The following BCL6 variants were observed in gnomAD, a reference collection of about 807,000 sequenced individuals.
BCL6 encodes BCL6 transcription repressor.
A neutral mutation model predicts 59.5 loss-of-function variants in BCL6; 7 were observed. That is an observed-to-expected ratio of 0.12 (90% confidence interval 0.07 to 0.22). The LOEUF (loss-of-function observed/expected upper bound fraction) is 0.22, where lower values mean the gene tolerates loss of function less well. Ranked by LOEUF, BCL6 falls within the 10% of genes least tolerant of loss-of-function variation. BCL6 has a pLI of 1.00. For missense variants in BCL6, 685 were observed against 939.4 expected (o/e 0.73, Z 3.54); for synonymous variants, 339 against 349.7 (o/e 0.97, Z 0.34).
Position 187,729,778 on chromosome 3 carries a change from G to A in BCL6, c.627C>T (p.Ser209=), listed in dbSNP as rs33922911. ...TCCGGACATCCCGAAACTCCTCATC[G>A]GAGAAGAGGAGGCTGCTGACAGGGA... ...SHLPVSSLLF[S]DEEFRDVRMP... Residue 209 remains serine, a synonymous_variant, in exon 5 of 10, where the codon TCC becomes TCT. Coordinates refer to ENST00000406870, the MANE Select transcript of BCL6 (RefSeq NM_001706.5). This position sits in a 1 kb window ranked among gnomAD's most constrained non-coding sequence, Gnocchi z 5.6. 7.1e-4 allele frequency: 1,141 copies of A among 1,614,166 alleles called. 11 individuals are homozygous for A. In the African/African-American group the frequency reaches 0.012, roughly 17 times the overall value.
chr3:187,726,026 T>C (rs1416417951), intron 7 of BCL6, among the ~76,000 whole-genome samples: 2 of 152,238 alleles, frequency 1.3e-5, no homozygotes, highest in Non-Finnish European at 2.9e-5. Context: ...CCTGAGGGGC[T>C]ACTTCAGATT....
chr3:187,744,731 T>C (rs77764326), intron 1 of BCL6, among the ~76,000 whole-genome samples: 5 of 151,844 alleles, frequency 3.3e-5, no homozygotes, highest in East Asian at 3.9e-4. Flanking sequence ...CTCCCGGAGT[T>C]ACCCAGAAGG....
chr3:187,743,376 T>A (rs1711688880), intron 1 of BCL6, among the ~76,000 whole-genome samples: 1 of 152,020 alleles, frequency 6.6e-6, no homozygotes, highest in African/African-American at 2.4e-5. Flanking sequence ...AGATTGGCTC[T>A]CTGAGGTGGT....
chr3:187,734,559 T>C (rs928572127), intron 2 of BCL6: 4 of 152,254 alleles, frequency 2.6e-5, no homozygotes, highest in African/African-American at 9.6e-5. Flanking sequence ...TCAGTCACCA[T>C]TGGTCTCTCT....
intron 6 of BCL6, among the ~76,000 whole-genome samples, chr3:187,727,302 A>T (rs1287786269): frequency 2.0e-5 from 3 of 152,260 alleles, no homozygotes; most frequent in Non-Finnish European, 2.9e-5. Flanking sequence ...TTTACCTCTG[A>T]GCCTCTCTCT....
At chr3:187,743,143 G>T (rs994995263) in intron 1 of BCL6, among the ~76,000 whole-genome samples, 1 of 151,968 alleles carries the variant, frequency 6.6e-6, no homozygotes, top group Non-Finnish European at 1.5e-5. Context: ...TTTCTAAACA[G>T]CCCTTTCCCT....
rs576217350 is a variant in BCL6 at position 187,721,528 on chromosome 3, A to G, written c.*930T>C. ...GGATGAGACAAACATTCCCAAAGAG[A>G]GTTTAGTTAGTAACAACTTCAAGTC... is the stretch of plus-strand genomic sequence containing the variant. On this transcript the variant is annotated 3_prime_UTR_variant, in exon 10 of 10. Transcript: ENST00000406870. The surrounding 1 kb of genome is among the most constrained non-coding windows in gnomAD (Gnocchi z 4.2). 159 of 233,428 alleles carry G rather than the reference A, an allele frequency of 6.8e-4. 2 individuals carry two copies. The highest frequency in any genetic ancestry group is 3.3e-3 in the African/African-American group (148 of 45,454). The allele number at this position is 233,428 out of a possible 1,614,324, so 14.5% of individuals were successfully genotyped here. A position where few individuals can be genotyped will look rare whatever the true frequency, so the allele number is the denominator to read the frequency against.
chr3:187,744,099 C>A (rs573098529), intron 1 of BCL6, among the ~76,000 whole-genome samples: 2 of 152,192 alleles, frequency 1.3e-5, no homozygotes, highest in East Asian at 1.9e-4. Context: ...GCCCGCAGTT[C>A]CCTTTTTACA....
At chr3:187,742,862 G>A (rs992776032) in intron 1 of BCL6, among the ~76,000 whole-genome samples, 1 of 152,056 alleles carries the variant, frequency 6.6e-6, no homozygotes, top group African/African-American at 2.4e-5. Context: ...TCTTCTTTGA[G>A]CTCATGTTTG....
chr3:187,744,976 C>A (rs1199789301), intron 1 of BCL6, among the ~76,000 whole-genome samples: 1 of 152,136 alleles, frequency 6.6e-6, no homozygotes, highest in African/African-American at 2.4e-5. Context: ...CCCGAATCAC[C>A]CCCCAAGCAC....
At chr3:187,742,986 T>C (rs1163114461) in intron 1 of BCL6, among the ~76,000 whole-genome samples, 2 of 151,674 alleles carry the variant, frequency 1.3e-5, no homozygotes, top group African/African-American at 4.9e-5. Context: ...GTGAGCAAAA[T>C]AGATACCTGT....
At chr3:187,737,368 AG>A (rs1719332895) in intron 1 of BCL6, 1 of 145,014 alleles carries the variant, frequency 6.9e-6, no homozygotes, top group African/African-American at 2.7e-5. Flanking sequence ...AGAGAGAGAG[AG>A]AGAGAGAGAG....
intron 1 of BCL6, among the ~76,000 whole-genome samples, chr3:187,744,210 C>T (rs57995370): frequency 6.6e-6 from 1 of 152,166 alleles, no homozygotes; most frequent in African/African-American, 2.4e-5. Context: ...ATACAAACAC[C>T]GCAGCGGCCA....
intron 1 of BCL6, among the ~76,000 whole-genome samples, chr3:187,745,138 C>G (rs527607093): frequency 3.3e-5 from 5 of 152,158 alleles, no homozygotes; most frequent in African/African-American, 7.2e-5. Flanking sequence ...ATAATAAATA[C>G]ATAACAATCT....
chr3:187,729,722 C>G lies in BCL6; in HGVS notation c.683G>C (p.Arg228Pro). 1.2e-6 allele frequency: 2 copies of G among 1,614,042 alleles called. No homozygotes were observed. The highest frequency in any genetic ancestry group is 1.7e-6 in the Non-Finnish European group (2 of 1,179,988). The change falls in exon 5 of 10, where the codon CGG (arginine) becomes CCG (proline). Residue 228 changes from arginine to proline, a missense_variant. Transcript: ENST00000406870. This position sits in a 1 kb window ranked among gnomAD's most constrained non-coding sequence, Gnocchi z 5.6. ...MPVANPFPKE[R>P]ALPCDSARPV... is the part of the protein sequence containing the mutation. ...CCTGGCACTATCACATGGGAGTGCC[C>G]GCTCCTTGGGGAAGGGGTTGGCCAC...
intron 1 of BCL6, among the ~76,000 whole-genome samples, chr3:187,741,765 C>T (rs979978414): frequency 6.6e-6 from 1 of 152,336 alleles, no homozygotes; most frequent in Middle Eastern, 3.4e-3. Flanking sequence ...CAAACCTCCT[C>T]AACACACCCC....
intron 1 of BCL6, among the ~76,000 whole-genome samples, chr3:187,743,189 CA>C (rs1157653528): frequency 4.6e-5 from 7 of 151,752 alleles, no homozygotes; most frequent in African/African-American, 1.7e-4. Context: ...TTTTAAAATC[CA>C]GACTGTAAAA....
intron 3 of BCL6, among the ~76,000 whole-genome samples, chr3:187,733,298 AT>A (rs1320172431): frequency 6.6e-6 from 1 of 151,846 alleles, no homozygotes; most frequent in African/African-American, 2.4e-5. Context: ...GCAGTATATA[AT>A]TTTTCTCCCT....
At chr3:187,743,933 C>T (rs529509212) in intron 1 of BCL6, among the ~76,000 whole-genome samples, 1 of 152,266 alleles carries the variant, frequency 6.6e-6, no homozygotes, top group Non-Finnish European at 1.5e-5. Flanking sequence ...CGCGCCCGCT[C>T]CTCCCGCGCC....
Sources: allele counts gnomAD v4.1 joint callset (sites outside exome capture counted in the v4.1 genomes callset), GRCh38; gene constraint gnomAD v4.1.1; non-coding constraint Gnocchi (gnomAD v3.1); transcripts MANE v1.5; gene names NCBI Gene and HGNC (gene_info 2026-07-23, HGNC 2026-07-21).